Variants in ATRN observed in about 807,000 individuals in gnomAD.
ATRN encodes the protein attractin-2.
In ATRN, 54 loss-of-function variants were observed where a neutral mutation model predicts 178.7. The observed-to-expected ratio is 0.30, with a 90% CI of 0.24 to 0.38. The LOEUF is 0.38. Ranked by LOEUF, ATRN falls within the 10% of genes least tolerant of loss-of-function variation. ATRN has a pLI of 1.00. For missense variants in ATRN, 1,443 were observed against 1,815.1 expected, an observed-to-expected ratio of 0.79 and a Z score of 3.73; for synonymous variants, 636 against 663.0, an observed-to-expected ratio of 0.96 and a Z score of 0.63.
At chr20:3,583,194 G>T (rs1600129283) in intron 16 of ATRN, among the ~76,000 whole-genome samples, 1 of 152,192 alleles carries the variant, frequency 6.6e-6, no homozygotes, top group African/African-American at 2.4e-5. Context: ...TCAGAATTCT[G>T]AATCCTTTGT....
At chr20:3,569,238 T>G (rs895505312) in intron 11 of ATRN, among the ~76,000 whole-genome samples, 1 of 152,194 alleles carries the variant, frequency 6.6e-6, no homozygotes, top group East Asian at 1.9e-4. Flanking sequence ...GGCAATTTCA[T>G]CATTGTGCCA....
chr20:3,548,443 A>T (rs1002562928), intron 5 of ATRN, among the ~76,000 whole-genome samples: 5 of 152,052 alleles, frequency 3.3e-5, no homozygotes, highest in African/African-American at 1.2e-4. Context: ...CTACTAAAAA[A>T]TACAAAAATT....
At chr20:3,485,369 A>G (rs1237004803) in intron 1 of ATRN, among the ~76,000 whole-genome samples, 2 of 152,088 alleles carry the variant, frequency 1.3e-5, no homozygotes, top group East Asian at 3.9e-4. Context: ...TCAATGTAGG[A>G]CATTGTTGAA....
At chr20:3,611,219 G>A (rs752490150) in intron 24 of ATRN, among the ~76,000 whole-genome samples, 3 of 152,166 alleles carry the variant, frequency 2.0e-5, no homozygotes, top group Non-Finnish European at 2.9e-5. Context: ...TTTTTGCTCT[G>A]TGAGAAACCC....
chr20:3,494,406 A>G (rs1216108126), intron 1 of ATRN, among the ~76,000 whole-genome samples: 1 of 152,144 alleles, frequency 6.6e-6, no homozygotes, highest in Non-Finnish European at 1.5e-5. Context: ...GCCCTTGGTA[A>G]CATTATAAAG....
At chr20:3,592,339 G>C (rs1044951211) in intron 19 of ATRN, 1 of 491,562 alleles carries the variant, frequency 2.0e-6, no homozygotes, top group African/African-American at 2.1e-5. Flanking sequence ...GGCGGAGGTT[G>C]CAGTGAGCTA....
rs773764349 is a variant in ATRN, at chr20:3,471,188, C to T, written c.81C>T (p.Gly27=). 3.7e-4 allele frequency: 558 copies of T among 1,501,932 alleles called. No individual in the cohort carries two copies. Among genetic ancestry groups the T allele is most frequent in the Non-Finnish European group, 4.7e-4 (535 of 1,132,440 alleles). 93.0% of individuals were successfully genotyped at this position (1,501,932 alleles called of 1,614,324 possible). ...AATAALAGRS[G]GPHWDWDVTR... is the part of the protein sequence containing the mutation. ...CGGCAGCGCTCGCGGGCAGGAGCGG[C>T]GGGCCGCACTGGGACTGGGACGTGA... is the stretch of plus-strand genomic sequence containing the variant. Residue 27 remains glycine (G), a synonymous_variant, in exon 1 of 29, where the codon GGC becomes GGT. Transcript: ENST00000262919.
intron 27 of ATRN, among the ~76,000 whole-genome samples, chr20:3,642,210 C>T (rs1450793423): frequency 6.6e-6 from 1 of 152,180 alleles, no homozygotes; most frequent in African/African-American, 2.4e-5. Flanking sequence ...CTTCAGTGAT[C>T]TTCACTATCA....
At chr20:3,534,609 A>G (rs2085497806) in intron 1 of ATRN, among the ~76,000 whole-genome samples, 1 of 152,172 alleles carries the variant, frequency 6.6e-6, no homozygotes, top group African/African-American at 2.4e-5. Context: ...AGAGGGAAGA[A>G]AAATATCTGG....
At chr20:3,475,248 T>C (rs1167695335) in intron 1 of ATRN, among the ~76,000 whole-genome samples, 1 of 152,118 alleles carries the variant, frequency 6.6e-6, no homozygotes, top group Non-Finnish European at 1.5e-5. Context: ...ATAATTGCCG[T>C]TATAGGGTTT....
intron 6 of ATRN, among the ~76,000 whole-genome samples, chr20:3,551,987 A>AT (rs1220046631): frequency 6.6e-6 from 1 of 152,118 alleles, no homozygotes; most frequent in African/African-American, 2.4e-5. Context: ...TAGGAGCTGA[A>AT]TTTTTTATTT....
At chr20:3,623,961 A>T (rs2086916440) in intron 24 of ATRN, among the ~76,000 whole-genome samples, 1 of 152,200 alleles carries the variant, frequency 6.6e-6, no homozygotes, top group African/African-American at 2.4e-5. Flanking sequence ...TCTTGGTATG[A>T]AGACTATTAA....
intron 1 of ATRN, among the ~76,000 whole-genome samples, chr20:3,476,967 A>G (rs1302802052): frequency 6.6e-6 from 1 of 152,278 alleles, no homozygotes; most frequent in Non-Finnish European, 1.5e-5. Flanking sequence ...CCCTAAATTT[A>G]TGTTCACAAG....
intron 23 of ATRN, among the ~76,000 whole-genome samples, chr20:3,603,216 C>T (rs1270943861): frequency 2.0e-5 from 3 of 152,052 alleles, no homozygotes; most frequent in African/African-American, 7.2e-5. Flanking sequence ...GAAGGGAGGA[C>T]TGAGTGACCC....
chr20:3,592,118 G>A (rs2086454517), intron 19 of ATRN, among the ~76,000 whole-genome samples: 1 of 152,168 alleles, frequency 6.6e-6, no homozygotes, highest in Non-Finnish European at 1.5e-5. Flanking sequence ...GTCCCGTGTT[G>A]GCTGGGTGTA....
At chr20:3,637,814 G>A (rs2087037295) in intron 26 of ATRN, among the ~76,000 whole-genome samples, 1 of 152,166 alleles carries the variant, frequency 6.6e-6, no homozygotes, top group Non-Finnish European at 1.5e-5. Context: ...GACTATTGGA[G>A]CAGGAGTTCA....
Position 3,614,304 on chromosome 20 carries a change from G to A in ATRN, c.3801+10042G>A, listed in dbSNP as rs539503519. Among the ~76,000 whole-genome samples, 5 of 152,274 alleles carry A rather than the reference G, an allele frequency of 3.3e-5. No individual in the cohort carries two copies. The South Asian group carries it at 8.3e-4, about 25-fold the overall frequency. On this transcript the variant is annotated intron_variant, in intron 24 of 28. Coordinates refer to ENST00000262919, the MANE Select transcript of ATRN (RefSeq NM_139321.3). ...ATGTCCATAGTTTGGGGGCGTGGGC[G>A]GTAGGTATTCAAGATAGAAGATGGT...
chr20:3,552,647 C>G (rs908591207), intron 6 of ATRN, among the ~76,000 whole-genome samples: 1 of 152,236 alleles, frequency 6.6e-6, no homozygotes, highest in Non-Finnish European at 1.5e-5. Flanking sequence ...AAGGTGTCAG[C>G]TGGCCTGCAT....
chr20:3,559,739 G>A (rs1568729397), intron 7 of ATRN, among the ~76,000 whole-genome samples: 1 of 152,172 alleles, frequency 6.6e-6, no homozygotes, highest in African/African-American at 2.4e-5. Flanking sequence ...AGATTAAAAA[G>A]TGTAGATTAG....
Sources: allele counts gnomAD v4.1 joint callset (sites outside exome capture counted in the v4.1 genomes callset), GRCh38; gene constraint gnomAD v4.1.1; transcripts MANE v1.5; gene names NCBI Gene and HGNC (gene_info 2026-07-23, HGNC 2026-07-21).